NPAS3: variants seen among roughly 807,000 people sequenced by gnomAD.
The protein encoded by NPAS3 is neuronal PAS domain-containing protein 3.
A neutral mutation model predicts 73.1 loss-of-function variants in NPAS3; 14 were observed. The ratio of observed to expected loss-of-function variants is 0.19; its 90% CI spans 0.13 to 0.30. The LOEUF is 0.30. Among genes scored for constraint, NPAS3 ranks in the 10% least tolerant of loss-of-function variants. The pLI, the probability that NPAS3 is intolerant of heterozygous loss-of-function variation, is 1.00. For missense variants in NPAS3, 1,096 were observed against 1,250.0 expected, an observed-to-expected ratio of 0.88 and a Z score of 1.86; for synonymous variants, 620 against 541.5, an observed-to-expected ratio of 1.14 and a Z score of -2.01.
At chr14:33,013,459 T>G (rs1421158067) in intron 1 of NPAS3, among the ~76,000 whole-genome samples, 8 of 152,194 alleles carry the variant, frequency 5.3e-5, no homozygotes, top group Admixed American at 5.2e-4. Context: ...TCTCCCTTTT[T>G]TGATTTTAAA....
At chr14:33,516,996 GCA>G (rs1555405631) in intron 4 of NPAS3, among the ~76,000 whole-genome samples, 9 of 152,060 alleles carry the variant, frequency 5.9e-5, no homozygotes, top group Non-Finnish European at 1.2e-4. Flanking sequence ...ATCTACTGAG[GCA>G]GATGAACAGG....
chr14:33,770,664 C>T (rs1305880003), intron 7 of NPAS3, among the ~76,000 whole-genome samples: 1 of 152,128 alleles, frequency 6.6e-6, no homozygotes, highest in African/African-American at 2.4e-5. Context: ...CTTTGGGAGG[C>T]CGAGGTGGGC....
intron 2 of NPAS3, among the ~76,000 whole-genome samples, chr14:33,195,411 C>G (rs540876811): frequency 6.6e-6 from 1 of 152,078 alleles, no homozygotes; most frequent in East Asian, 1.9e-4. Flanking sequence ...GCTGGGATTA[C>G]AGGCGTGCAC....
intron 5 of NPAS3, among the ~76,000 whole-genome samples, chr14:33,620,653 A>C (rs1285425263): frequency 6.6e-6 from 1 of 152,222 alleles, no homozygotes; most frequent in Non-Finnish European, 1.5e-5. Flanking sequence ...TAATTTCAAA[A>C]ATCAACATTA....
chr14:33,424,972 A>G (rs1368297308), intron 4 of NPAS3, among the ~76,000 whole-genome samples: 1 of 152,014 alleles, frequency 6.6e-6, no homozygotes, highest in Non-Finnish European at 1.5e-5. Context: ...TAATGCTACT[A>G]CTTAAAGATT....
At chr14:33,256,522 C>G (rs1594524660) in intron 3 of NPAS3, among the ~76,000 whole-genome samples, 2 of 152,216 alleles carry the variant, frequency 1.3e-5, no homozygotes, top group African/African-American at 2.4e-5. Context: ...GCAGTTTGTT[C>G]TTAATTTTGT....
At chr14:33,214,452 T>G (rs1374834880) in intron 2 of NPAS3, 1 of 152,242 alleles carries the variant, frequency 6.6e-6, no homozygotes, top group East Asian at 1.9e-4. Context: ...TAAATTTATA[T>G]TTTCCTAAAG....
chr14:33,154,057 A>C (rs1005172503), intron 2 of NPAS3, among the ~76,000 whole-genome samples: 1 of 152,096 alleles, frequency 6.6e-6, no homozygotes, highest in South Asian at 2.1e-4. Flanking sequence ...TTGTTGTACA[A>C]ATATTTAGAG....
chr14:33,657,538 A>C (rs1401213552), intron 5 of NPAS3, among the ~76,000 whole-genome samples: 1 of 120,708 alleles, frequency 8.3e-6, no homozygotes, highest in Non-Finnish European at 1.8e-5. Flanking sequence ...CATTTTTGAT[A>C]CTGAAGGAAA....
At chr14:33,555,372 TAGTG>T (rs879895722) in intron 4 of NPAS3, among the ~76,000 whole-genome samples, 1 of 152,138 alleles carries the variant, frequency 6.6e-6, no homozygotes, top group Non-Finnish European at 1.5e-5. Context: ...AAATTCTACA[TAGTG>T]AGTAAGAAGA....
intron 1 of NPAS3, among the ~76,000 whole-genome samples, chr14:33,000,939 A>T (rs1169845452): frequency 6.6e-6 from 1 of 152,252 alleles, no homozygotes; most frequent in African/African-American, 2.4e-5. Flanking sequence ...GCTATTGTAG[A>T]TGACAATAAC....
intron 2 of NPAS3, among the ~76,000 whole-genome samples, chr14:33,198,511 G>A (rs2046471060): frequency 6.6e-6 from 1 of 152,206 alleles, no homozygotes; most frequent in African/African-American, 2.4e-5. Context: ...TAGACACAGA[G>A]CACTGATTGG....
At chr14:33,567,813 A>G (rs959169418) in intron 5 of NPAS3, among the ~76,000 whole-genome samples, 1 of 152,236 alleles carries the variant, frequency 6.6e-6, no homozygotes, top group African/African-American at 2.4e-5. Flanking sequence ...TCTTCAGAGT[A>G]GACCACTATC....
intron 2 of NPAS3, among the ~76,000 whole-genome samples, chr14:33,135,808 C>T (rs1476136700): frequency 6.6e-6 from 1 of 152,132 alleles, no homozygotes; most frequent in Non-Finnish European, 1.5e-5. Context: ...TGAATGAGCT[C>T]AGCCAGTTCC....
intron 6 of NPAS3, among the ~76,000 whole-genome samples, chr14:33,683,708 C>A (rs2060006568): frequency 6.6e-6 from 1 of 152,190 alleles, no homozygotes. Context: ...GAAACCATCT[C>A]CACCCCTAGT....
chr14:33,476,180 A>T (rs1330289836), intron 4 of NPAS3, among the ~76,000 whole-genome samples: 1 of 152,236 alleles, frequency 6.6e-6, no homozygotes, highest in Non-Finnish European at 1.5e-5. Context: ...CAGAAAGAGA[A>T]ATCTTGTTGT....
chr14:33,450,060 TAA>T (rs1412058488), intron 4 of NPAS3, among the ~76,000 whole-genome samples: 2 of 152,234 alleles, frequency 1.3e-5, no homozygotes, highest in Non-Finnish European at 2.9e-5. Context: ...CGGCAGTATG[TAA>T]AGTGTTGAAA....
intron 2 of NPAS3, among the ~76,000 whole-genome samples, chr14:33,181,290 G>T (rs889033041): frequency 6.6e-6 from 1 of 152,210 alleles, no homozygotes; most frequent in East Asian, 1.9e-4. Flanking sequence ...GCAGAGTGAG[G>T]AGGTATTTGT....
chr14:33,562,899 G>GCACACACACACACACA (rs56063953), intron 5 of NPAS3, among the ~76,000 whole-genome samples: 5,058 of 149,774 alleles, frequency 0.034, 187 homozygotes, highest in African/African-American at 0.087. Flanking sequence ...TCTTTTATGA[G>GCACACACACACACACA]CACACACACA....
Sources: allele counts gnomAD v4.1 joint callset (sites outside exome capture counted in the v4.1 genomes callset), GRCh38; gene constraint gnomAD v4.1.1; transcripts MANE v1.5; gene names NCBI Gene and HGNC (gene_info 2026-07-23, HGNC 2026-07-21).